MSH5: variants seen among roughly 807,000 people sequenced by gnomAD.
MSH5 encodes the protein mutS protein homolog 5.
MSH5 carries 78 observed loss-of-function variants against 107.7 expected under a neutral mutation model. The ratio of observed to expected loss-of-function variants is 0.72; its 90% confidence interval spans 0.60 to 0.87. MSH5 has a LOEUF of 0.87. MSH5 is among the 40% of genes least tolerant of loss of function. MSH5 has a pLI of 0.00. For synonymous variants in MSH5, 326 were observed against 399.5 expected (o/e 0.82, Z 2.19); for missense variants, 889 against 1,046.6 (o/e 0.85, Z 2.08).
chr6:31,762,297 A>G, intron 24 of MSH5, 112 bp downstream of exon 24: 3 of 1,393,156 alleles, frequency 2.2e-6, no homozygotes, highest in Non-Finnish European at 3.1e-6. Context: ...GAAACCCACC[A>G]TTTCTTTCTG....
rs1456535650 is a variant in MSH5 at position 31,740,090 on chromosome 6, G to A, written c.-14+28G>A. On this transcript the variant is annotated intron_variant, in intron 1 of 24. Coordinates refer to ENST00000375750, the MANE Select transcript of MSH5 (RefSeq NM_172166.4). The surrounding 1 kb of genome is among the most constrained non-coding windows in gnomAD (Gnocchi z 4.4). The stretch of plus-strand genomic sequence containing the variant: ...TACTGAAAAGGCGGGAAAACGCTGC[G>A]ATGGCGGCAGCTGGGGGAGGAGGAA... The A allele has an allele frequency of 5.5e-6, 1 of 180,856 alleles. No individual in the cohort carries two copies. The highest frequency in any genetic ancestry group is 1.1e-5 in the Non-Finnish European group (1 of 87,348). The allele number at this position is 180,856 out of a possible 1,614,324, so 11.2% of individuals were successfully genotyped here. A position where few individuals can be genotyped will look rare whatever the true frequency, so the allele number is the denominator to read the frequency against.
intron 9 of MSH5, 66 bp from the exon 10 acceptor site, chr6:31,747,321 C>T: frequency 1.9e-6 from 3 of 1,564,646 alleles, no homozygotes; most frequent in South Asian, 1.1e-5. Context: ...AGCTTAGACA[C>T]ATAAACACAT....
intron 9 of MSH5, among the ~76,000 whole-genome samples, 159 bp downstream of exon 9, chr6:31,745,478 C>G (rs963601004): frequency 6.6e-6 from 1 of 152,120 alleles, no homozygotes; most frequent in African/African-American, 2.4e-5. Flanking sequence ...CCCCCGCCCC[C>G]CAAGCTTGAG....
At position 31,758,470 on chromosome 6, in the gene MSH5, G is replaced by A; in HGVS notation, c.1144-78G>A. ...GGTGAGAGTTAAAGGAGGACTGCAG[G>A]GAGAATTGGGGCCCAAGGAGAGCTG... On this transcript the variant is annotated intron_variant, in intron 13 of 24. Coordinates refer to ENST00000375750, the MANE Select transcript of MSH5 (RefSeq NM_172166.4). The surrounding 1 kb of genome is among the most constrained non-coding windows in gnomAD (Gnocchi z 5.1). The A allele has an allele frequency of 1.3e-6, 2 of 1,576,886 alleles. No individual in the cohort carries two copies. Among genetic ancestry groups the A allele is most frequent in the Non-Finnish European group, 8.7e-7 (1 of 1,148,470 alleles).
At position 31,761,088 on chromosome 6, in the gene MSH5, T is replaced by G; in HGVS notation, c.1963-100T>G. On this transcript the variant is annotated intron_variant, in intron 20 of 24. Transcript: ENST00000375750. This position sits in a 1 kb window ranked among gnomAD's most constrained non-coding sequence, Gnocchi z 5.3. ...CACCATTCAAGAACTTGCAGTGCAG[T>G]AGGGAGGGCATGTATACAGCTTTAT... The G allele has an allele frequency of 8.4e-7, 1 of 1,187,760 alleles. No homozygotes were observed. The highest frequency in any genetic ancestry group is 1.2e-6 in the Non-Finnish European group (1 of 822,448). 73.6% of individuals were successfully genotyped at this position (1,187,760 alleles called of 1,614,324 possible). A position where few individuals can be genotyped will look rare whatever the true frequency, so the allele number is the denominator to read the frequency against.
intron 12 of MSH5, chr6:31,757,763 G>A (rs1314070237): frequency 4.1e-6 from 1 of 242,074 alleles, no homozygotes; most frequent in South Asian, 8.7e-5. Flanking sequence ...TCCACCTCCC[G>A]GGTTCAAGAG....
Position 31,759,559 on chromosome 6 carries a change from A to C in MSH5, c.1495+47A>C. On this transcript the variant is annotated intron_variant, in intron 17 of 24. Coordinates refer to ENST00000375750, the MANE Select transcript of MSH5 (RefSeq NM_172166.4). The surrounding 1 kb of genome is among the most constrained non-coding windows in gnomAD (Gnocchi z 4.7). ...TATGCATTGTAAGATGTTTAAAAAA[A>C]GCAGCAGCCAGGGGAAGGAGGGGAG... 6.2e-7 allele frequency: 1 copy of C among 1,600,040 alleles called. No homozygotes were observed. The highest frequency in any genetic ancestry group is 8.5e-7 in the Non-Finnish European group (1 of 1,171,066).
At chr6:31,753,235 T>C in intron 10 of MSH5, 66 bp from the exon 11 acceptor site, 2 of 1,543,638 alleles carry the variant, frequency 1.3e-6, no homozygotes, top group South Asian at 1.2e-5. Context: ...AGCACACTTT[T>C]TGGCAAACTG....
chr6:31,754,709 T>G (rs1415379255), intron 12 of MSH5, among the ~76,000 whole-genome samples: 2 of 152,098 alleles, frequency 1.3e-5, no homozygotes, highest in African/African-American at 4.8e-5. Context: ...GTCCCAGCCA[T>G]TATATCATTT....
Position 31,761,618 on chromosome 6 carries a change from G to A in MSH5, c.2181+3G>A. The A allele has an allele frequency of 6.2e-7, 1 of 1,614,140 alleles. No individual in the cohort carries two copies. Among genetic ancestry groups the A allele is most frequent in the Non-Finnish European group, 8.5e-7 (1 of 1,180,028 alleles). On this transcript the variant is annotated splice_donor_region_variant and intron_variant, in intron 22 of 24. Transcript: ENST00000375750. The surrounding 1 kb of genome is among the most constrained non-coding windows in gnomAD (Gnocchi z 5.3). ...AAGGGCCCCTGGTGCAGTATTTGGT[G>A]AGGAGACCAATCTAGCTCCTCGGGG...
At position 31,740,210 on chromosome 6, in the gene MSH5, C is replaced by T. The variant is rs1218556169; in HGVS notation, c.-14+148C>T. The T allele has an allele frequency of 7.0e-6, 3 of 425,562 alleles. No individual in the cohort carries two copies. Among genetic ancestry groups the T allele is most frequent in the Admixed American group, 4.1e-5 (1 of 24,366 alleles). 26.4% of individuals were successfully genotyped at this position (425,562 alleles called of 1,614,324 possible). ...GCCCCACAGGGCCCTCAGACCCCTT[C>T]CTTCCAAAGGGTAACCTCCGCGTGA... On this transcript the variant is annotated intron_variant, in intron 1 of 24. Transcript: ENST00000375750. This position sits in a 1 kb window ranked among gnomAD's most constrained non-coding sequence, Gnocchi z 4.4.
chr6:31,744,716 G>C lies in MSH5; in HGVS notation c.683+135G>C, dbSNP rs997579678. 4.1e-6 allele frequency: 4 copies of C among 975,402 alleles called. No homozygotes were observed. The African/African-American group carries it at 6.5e-5, about 16-fold the overall frequency. 60.4% of individuals were successfully genotyped at this position (975,402 alleles called of 1,614,324 possible). ...TCTCTCTCCTTGAAGGAAAGGGAAG[G>C]GGGGTTTTGAGGGAAAGAGAGGAAG... On this transcript the variant is annotated intron_variant, in intron 8 of 24. Coordinates refer to ENST00000375750, the MANE Select transcript of MSH5 (RefSeq NM_172166.4).
At chr6:31,741,317 T>TCCTGACTCAACCTCCCGAGTAG in intron 3 of MSH5, 31 bp downstream of exon 3, 1 of 1,605,690 alleles carries the variant, frequency 6.2e-7, no homozygotes, top group East Asian at 2.2e-5. Flanking sequence ...TCCTCTGCTC[T>TCCTGACTCAACCTCCCGAGTAG]CTGGGATTGC....
rs376571710 is a variant in MSH5, at chr6:31,761,616, G to T, written c.2181+1G>T. On this transcript the variant is annotated splice_donor_variant, in intron 22 of 24. Transcript: ENST00000375750. LOFTEE classifies it high-confidence loss of function. This position sits in a 1 kb window ranked among gnomAD's most constrained non-coding sequence, Gnocchi z 5.3. ...ACAAGGGCCCCTGGTGCAGTATTTG[G>T]TGAGGAGACCAATCTAGCTCCTCGG... 1.9e-6 allele frequency: 3 copies of T among 1,614,028 alleles called. No homozygotes were observed. The highest frequency in any genetic ancestry group is 2.7e-5 in the African/African-American group (2 of 74,940).
chr6:31,741,134 A>G (rs1246537348), intron 2 of MSH5, 29 bp from the exon 3 acceptor site: 30 of 1,612,038 alleles, frequency 1.9e-5, no homozygotes, highest in Non-Finnish European at 2.4e-5. Flanking sequence ...TGATTCTAAT[A>G]GTGATTTCCT....
intron 10 of MSH5, among the ~76,000 whole-genome samples, chr6:31,749,560 A>ATC (rs1809772429): frequency 6.6e-6 from 1 of 151,752 alleles, no homozygotes; most frequent in African/African-American, 2.4e-5. Flanking sequence ...AAAAAAGTGC[A>ATC]TCCTCTTCAA....
At position 31,740,225 on chromosome 6, in the gene MSH5, C is replaced by T. The variant is rs577473235; in HGVS notation, c.-14+163C>T. 6.5e-6 allele frequency: 3 copies of T among 459,260 alleles called. No individual in the cohort carries two copies. The highest frequency in any genetic ancestry group is 4.1e-5 in the African/African-American group (2 of 48,942). 28.4% of individuals were successfully genotyped at this position (459,260 alleles called of 1,614,324 possible). ...CAGACCCCTTCCTTCCAAAGGGTAA[C>T]CTCCGCGTGACAGGAATGAGGGTGG... On this transcript the variant is annotated intron_variant, in intron 1 of 24. Coordinates refer to ENST00000375750, the MANE Select transcript of MSH5 (RefSeq NM_172166.4). The surrounding 1 kb of genome is among the most constrained non-coding windows in gnomAD (Gnocchi z 4.4).
chr6:31,760,216 G>C lies in MSH5; in HGVS notation c.1812G>C (p.Gln604His). Residue 604 changes from glutamine (Q) to histidine (H), a missense_variant and splice_region_variant, in exon 19 of 25, where the codon CAG becomes CAC. Gln to His is a conservative substitution (Grantham distance 24, BLOSUM62 0). Transcript: ENST00000375750. This position sits in a 1 kb window ranked among gnomAD's most constrained non-coding sequence, Gnocchi z 5.6. ...NSSGKSIYLK[Q>H]VGLITFMALV... is the part of the protein sequence containing the mutation. The stretch of plus-strand genomic sequence containing the variant: ...CAGGGAAGAGCATATACCTCAAACA[G>C]GTGAGGAGAAGCCCTGCAGCCTGGG... 1 of 1,588,232 alleles carries C rather than the reference G, an allele frequency of 6.3e-7. No homozygotes were observed. The highest frequency in any genetic ancestry group is 1.2e-5 in the South Asian group (1 of 86,228).
At chr6:31,750,359 G>A (rs1159411946) in intron 10 of MSH5, among the ~76,000 whole-genome samples, 1 of 152,188 alleles carries the variant, frequency 6.6e-6, no homozygotes, top group African/African-American at 2.4e-5. Context: ...CTTGAGGCCA[G>A]GAGTTCAAGA....
Sources: gnomAD v4.1 joint callset for allele counts (sites outside exome capture counted in the v4.1 genomes callset) on GRCh38, gnomAD v4.1.1 for gene constraint, Gnocchi (gnomAD v3.1) non-coding constraint, MANE v1.5 for transcripts, NCBI Gene and HGNC (gene_info 2026-07-23, HGNC 2026-07-21) for gene names.